The following IGF1 variants were observed in gnomAD, a reference collection of about 807,000 sequenced individuals.
IGF1 encodes insulin-like growth factor 1.
IGF1 carries 4 observed loss-of-function variants against 13.8 expected under a neutral mutation model. That is an observed-to-expected ratio of 0.29 (90% CI 0.14 to 0.66). The LOEUF (loss-of-function observed/expected upper bound fraction) is 0.66, where lower values mean the gene tolerates loss of function less well. Ranked by LOEUF, IGF1 falls within the 30% of genes least tolerant of loss-of-function variation. The pLI, the probability that IGF1 is intolerant of heterozygous loss-of-function variation, is 0.78. For missense variants in IGF1, 124 were observed against 188.5 expected (o/e 0.66, Z 2.00); for synonymous variants, 76 against 72.6 (o/e 1.05, Z -0.23).
At chr12:102,408,119 A>G (rs1392662473) in intron 3 of IGF1, among the ~76,000 whole-genome samples, 1 of 152,238 alleles carries the variant, frequency 6.6e-6, no homozygotes, top group Non-Finnish European at 1.5e-5. Context: ...ATTGTACAGC[A>G]TAAAGTACTA....
chr12:102,448,848 A>G (rs997598270), intron 2 of IGF1, among the ~76,000 whole-genome samples: 2 of 152,224 alleles, frequency 1.3e-5, no homozygotes, highest in Admixed American at 6.5e-5. Context: ...CCACAATGAG[A>G]TACCATCTCA....
intron 3 of IGF1, chr12:102,415,571 C>T (rs1455849685): frequency 7.0e-6 from 1 of 143,552 alleles, no homozygotes; most frequent in Non-Finnish European, 1.5e-5. Flanking sequence ...TCCTTCCTTC[C>T]TTCCTTCCTT....
At chr12:102,449,182 A>G (rs1878673608) in intron 2 of IGF1, among the ~76,000 whole-genome samples, 2 of 152,198 alleles carry the variant, frequency 1.3e-5, no homozygotes, top group Non-Finnish European at 2.9e-5. Context: ...GAAGAAGAAA[A>G]TGTGGCACAT....
At chr12:102,480,053 A>G (rs1308444555) in intron 1 of IGF1, among the ~76,000 whole-genome samples, 1 of 152,192 alleles carries the variant, frequency 6.6e-6, no homozygotes, top group Non-Finnish European at 1.5e-5. Context: ...ATCTTCTGTA[A>G]TGACACCACG....
intron 3 of IGF1, among the ~76,000 whole-genome samples, chr12:102,415,545 T>A (rs1446411081): frequency 1.3e-4 from 12 of 95,008 alleles, no homozygotes; most frequent in Non-Finnish European, 2.3e-4. Context: ...TCCTTCCCTT[T>A]CCTTCCTTCC....
chr12:102,419,210 G>C (rs1875447086), intron 3 of IGF1, among the ~76,000 whole-genome samples: 1 of 152,164 alleles, frequency 6.6e-6, no homozygotes, highest in African/African-American at 2.4e-5. Flanking sequence ...TTTGCCAAGG[G>C]CTCTAAGCTG....
chr12:102,474,407 T>G (rs764802907), intron 2 of IGF1, among the ~76,000 whole-genome samples: 12 of 152,232 alleles, frequency 7.9e-5, no homozygotes, highest in Non-Finnish European at 1.8e-4. Flanking sequence ...ATTTAAAAAC[T>G]ATTTGTTGCC....
At chr12:102,468,947 A>G (rs1035947879) in intron 2 of IGF1, among the ~76,000 whole-genome samples, 2 of 152,218 alleles carry the variant, frequency 1.3e-5, no homozygotes, top group Non-Finnish European at 2.9e-5. Context: ...AGTCAGCTCT[A>G]ATGGAGATCT....
chr12:102,412,200 T>A (rs1348796697), intron 3 of IGF1, among the ~76,000 whole-genome samples: 1 of 152,212 alleles, frequency 6.6e-6, no homozygotes, highest in African/African-American at 2.4e-5. Context: ...GAATAATTTT[T>A]AATTTAGGAT....
chr12:102,463,156 T>C (rs1165849474), intron 2 of IGF1: 1 of 152,140 alleles, frequency 6.6e-6, no homozygotes, highest in Non-Finnish European at 1.5e-5. Flanking sequence ...ATTAGACAAA[T>C]TATCAATTGC....
At chr12:102,470,069 G>T (rs1175595573) in intron 2 of IGF1, among the ~76,000 whole-genome samples, 1 of 152,164 alleles carries the variant, frequency 6.6e-6, no homozygotes, top group Non-Finnish European at 1.5e-5. Context: ...TCTCAGAAGA[G>T]AATAATTAAG....
Position 102,473,181 on chromosome 12 carries a change from T to G in IGF1, c.220+2462A>C, listed in dbSNP as rs141620606. On this transcript the variant is annotated intron_variant, in intron 2 of 3. Transcript: ENST00000337514. ...AAGAAGCCCATTGACAGGGTATTAT[T>G]CTTGGCAGGGTAGACCAAAATATTC... 2.3e-3 allele frequency among the ~76,000 whole-genome samples: 357 copies of G among 152,302 alleles called. 8 individuals carry two copies. Among genetic ancestry groups the G allele is most frequent in the African/African-American group, 7.6e-3 (316 of 41,574 alleles).
At chr12:102,417,576 T>TA (rs1270347688) in intron 3 of IGF1, 13 of 1,222,252 alleles carry the variant, frequency 1.1e-5, no homozygotes, top group African/African-American at 1.6e-5. Flanking sequence ...TTTTTATTTT[T>TA]TTTTTTCATT....
rs572064571 is a variant in IGF1 at position 102,470,787 on chromosome 12, T to C, written c.220+4856A>G. On this transcript the variant is annotated intron_variant, in intron 2 of 3. Coordinates refer to ENST00000337514, the MANE Select transcript of IGF1 (RefSeq NM_000618.5). ...AGTGTGATGTCAAATTCACCAATTA[T>C]ACACTCTCTTCTTTAATTGAAAAGG... Among the ~76,000 whole-genome samples the C allele has an allele frequency of 2.6e-4, 40 of 152,324 alleles. 1 individual carries two copies. Among genetic ancestry groups the C allele is most frequent in the Admixed American group, 1.0e-3 (16 of 15,308 alleles).
At chr12:102,441,263 A>AGC (rs1877688434) in intron 2 of IGF1, among the ~76,000 whole-genome samples, 1 of 152,210 alleles carries the variant, frequency 6.6e-6, no homozygotes, top group South Asian at 2.1e-4. Flanking sequence ...TATCTGCACC[A>AGC]TTATCTTCTT....
At chr12:102,421,676 G>T (rs1241075269) in intron 2 of IGF1, among the ~76,000 whole-genome samples, 3 of 152,176 alleles carry the variant, frequency 2.0e-5, no homozygotes, top group African/African-American at 7.2e-5. Context: ...GATGTTTGGG[G>T]GTGGGCTGGT....
At chr12:102,417,170 C>A (rs1307490871) in intron 3 of IGF1, among the ~76,000 whole-genome samples, 1 of 151,986 alleles carries the variant, frequency 6.6e-6, no homozygotes, top group East Asian at 1.9e-4. Context: ...TATGGCAGCC[C>A]TAGCAAACTT....
chr12:102,407,075 CAG>C lies in IGF1; in HGVS notation c.403-4511_403-4510del, dbSNP rs1445553260. On this transcript the variant is annotated intron_variant, in intron 3 of 3. Transcript: ENST00000337514. ...TGCCACTGCATTCCAGCCTTGGCGA[CAG>C]AGTAAAACTCTGTCTCCAAAAAAAA... Among the ~76,000 whole-genome samples the C allele has an allele frequency of 5.7e-5, 6 of 104,802 alleles. No individual in the cohort carries two copies. In the Admixed American group the frequency reaches 5.9e-4, roughly 10 times the overall value. 68.8% of individuals were successfully genotyped at this position (104,802 alleles called of 152,430 possible). A position where few individuals can be genotyped will look rare whatever the true frequency, so the allele number is the denominator to read the frequency against.
chr12:102,402,242 A>T lies in IGF1; in HGVS notation c.*265T>A, dbSNP rs771502062. The T allele has an allele frequency of 1.3e-4, 34 of 254,598 alleles. No individual in the cohort carries two copies. The highest frequency in any genetic ancestry group is 1.9e-4 in the South Asian group (3 of 16,030). The allele number at this position is 254,598 out of a possible 1,614,324, so 15.8% of individuals were successfully genotyped here. A position where few individuals can be genotyped will look rare whatever the true frequency, so the allele number is the denominator to read the frequency against. ...CAGGGACTAAGATATATATATATAT[A>T]TATTTTTTTTTTCTTTTCTATAGAA... On this transcript the variant is annotated 3_prime_UTR_variant, in exon 4 of 4. Coordinates refer to ENST00000337514, the MANE Select transcript of IGF1 (RefSeq NM_000618.5).
Sources: gnomAD v4.1 joint callset for allele counts (sites outside exome capture counted in the v4.1 genomes callset) on GRCh38, gnomAD v4.1.1 for gene constraint, MANE v1.5 for transcripts, NCBI Gene and HGNC (gene_info 2026-07-23, HGNC 2026-07-21) for gene names.